Variants in SMG1 observed in about 807,000 individuals in gnomAD.
SMG1 encodes the protein serine/threonine-protein kinase SMG1.
A neutral mutation model predicts 419.9 loss-of-function variants in SMG1; 22 were observed. The observed-to-expected ratio is 0.05, with a 90% CI of 0.04 to 0.07. The LOEUF is 0.07. Among genes scored for constraint, SMG1 ranks in the 10% least tolerant of loss-of-function variants. The pLI, the probability that SMG1 is intolerant of heterozygous loss-of-function variation, is 1.00. For missense variants in SMG1, 3,185 were observed against 4,342.0 expected (o/e 0.73, Z 7.49); for synonymous variants, 1,538 against 1,553.5 (o/e 0.99, Z 0.23).
chr16:18,870,702 A>G lies in SMG1; in HGVS notation c.2400T>C (p.Asp800=), dbSNP rs758407761. ...TGTGCACTAGTTGAACACGGCAAAC[A>G]TCGACACATCTATGAAAGAACGAAA... is the stretch of plus-strand genomic sequence containing the variant. The part of the protein sequence containing the change: ...LPDDLLQRCV[D]VCRVQLVHSG... The change falls in exon 18 of 63, where the codon GAT becomes GAC. Residue 800 remains aspartate, a synonymous_variant. Coordinates refer to ENST00000446231, the MANE Select transcript of SMG1 (RefSeq NM_015092.5). 5.6e-6 allele frequency: 9 copies of G among 1,607,952 alleles called. No homozygotes were observed. Among genetic ancestry groups the G allele is most frequent in the Non-Finnish European group, 6.8e-6 (8 of 1,177,772 alleles).
At chr16:18,865,967 T>C (rs974490070) in intron 23 of SMG1, among the ~76,000 whole-genome samples, 4 of 152,084 alleles carry the variant, frequency 2.6e-5, no homozygotes, top group African/African-American at 9.7e-5. Context: ...CAGCCTAACA[T>C]GGCAAATTTT....
chr16:18,817,544 G>GA (rs1317304423), intron 56 of SMG1, 74 bp from the exon 57 acceptor site: 6 of 1,177,432 alleles, frequency 5.1e-6, no homozygotes, highest in Middle Eastern at 2.0e-4. Context: ...TTAATAACAT[G>GA]AAAAAATACT....
At chr16:18,812,152 AATTTAC>A in intron 60 of SMG1, 25 bp from the exon 61 acceptor site, 1 of 1,600,584 alleles carries the variant, frequency 6.2e-7, no homozygotes, top group South Asian at 1.1e-5. Context: ...TTGGTGGCTC[AATTTAC>A]ATGTAAACAG....
intron 62 of SMG1, among the ~76,000 whole-genome samples, chr16:18,811,098 T>A (rs900494075): frequency 4.6e-5 from 7 of 152,186 alleles, no homozygotes; most frequent in Non-Finnish European, 1.5e-5. Context: ...AGGTTGAGTA[T>A]CCCTTATCCA....
intron 41 of SMG1, 29 bp from the exon 42 acceptor site, chr16:18,839,975 G>C (rs1353256213): frequency 6.7e-7 from 1 of 1,499,466 alleles, no homozygotes; most frequent in Non-Finnish European, 8.9e-7. Flanking sequence ...TTTTAAAAAA[G>C]AAAAGATCAA....
At chr16:18,851,277 T>C (rs2034574360) in intron 33 of SMG1, among the ~76,000 whole-genome samples, 1 of 152,240 alleles carries the variant, frequency 6.6e-6, no homozygotes, top group South Asian at 2.1e-4. Context: ...AAATAATATA[T>C]TGCTTTGGCA....
intron 29 of SMG1, among the ~76,000 whole-genome samples, chr16:18,855,832 A>T (rs377414514): frequency 7.9e-5 from 12 of 152,172 alleles, no homozygotes; most frequent in African/African-American, 2.9e-4. Flanking sequence ...ACAAGGGTAA[A>T]TCTGAACATT....
chr16:18,855,772 T>C (rs185649704), intron 29 of SMG1, among the ~76,000 whole-genome samples: 1 of 152,288 alleles, frequency 6.6e-6, no homozygotes, highest in Admixed American at 6.5e-5. Context: ...TTGACCCCAT[T>C]CTTATACTCT....
intron 8 of SMG1, chr16:18,884,705 A>G (rs2036544750): frequency 5.4e-6 from 1 of 183,846 alleles, no homozygotes. Context: ...ACCATTTCTC[A>G]TTTATGACAA....
chr16:18,810,037 T>C (rs989548550), intron 62 of SMG1, among the ~76,000 whole-genome samples: 1 of 151,490 alleles, frequency 6.6e-6, no homozygotes, highest in Non-Finnish European at 1.5e-5. Flanking sequence ...TACAAGAATA[T>C]AATAGTGTTT....
rs774943667 is a variant in SMG1 at position 18,829,453 on chromosome 16, T to G, written c.9436A>C (p.Ile3146Leu). 4 of 1,614,026 alleles carry G rather than the reference T, an allele frequency of 2.5e-6. No individual in the cohort carries two copies. In the East Asian group the frequency reaches 6.7e-5, roughly 27 times the overall value. ...DLCKKAVEHNIQIGKFSQLVM... is the reference protein window; with the variant it reads ...DLCKKAVEHNLQIGKFSQLVM... ...AGCTGAGAGAACTTCCCTATCTGGA[T>G]GTTATGTTCCACCGCTTTCTTACAG... is the stretch of plus-strand genomic sequence containing the variant. Residue 3146 changes from isoleucine to leucine, a missense_variant, in exon 54 of 63, where the codon ATC becomes CTC. Ile to Leu is a conservative substitution (Grantham distance 5). Around this residue, in one of 27 missense-constraint regions of SMG1, gnomAD observed 737 missense variants for 846.6 expected, o/e 0.87. Transcript: ENST00000446231.
intron 1 of SMG1, among the ~76,000 whole-genome samples, chr16:18,904,368 C>T (rs973691974): frequency 6.6e-6 from 1 of 151,962 alleles, no homozygotes; most frequent in African/African-American, 2.4e-5. Context: ...GGCACGGCGG[C>T]TCACGCCTGT....
Position 18,871,422 on chromosome 16 carries a change from G to A in SMG1, c.2244C>T (p.Tyr748=), listed in dbSNP as rs776985892. ...AAGACGGAAGAGAGAATAAAGGTGC[G>A]TATGTTTCAGACTTCTTCATTAAAA... ...AAVLMKKSET[Y]APLFSLPSFH... Residue 748 remains tyrosine (Y), a synonymous_variant, in exon 16 of 63, where the codon TAC becomes TAT. Transcript: ENST00000446231. 1.1e-5 allele frequency: 18 copies of A among 1,601,850 alleles called. No homozygotes were observed. The highest frequency in any genetic ancestry group is 4.0e-5 in the African/African-American group (3 of 74,098).
chr16:18,905,397 A>C lies in SMG1; in HGVS notation c.93-8441T>G, dbSNP rs551678008. Among the ~76,000 whole-genome samples the C allele has an allele frequency of 5.3e-5, 8 of 152,206 alleles. No individual in the cohort carries two copies. In the East Asian group the frequency reaches 1.5e-3, roughly 29 times the overall value. ...TTCACTTACTTTTTAACCCACTTTA[A>C]TCTGGGTTCCACCTGCAACACACCA... On this transcript the variant is annotated intron_variant, in intron 1 of 62. Transcript: ENST00000446231.
chr16:18,914,545 G>T (rs774140057), intron 1 of SMG1, among the ~76,000 whole-genome samples: 1 of 151,918 alleles, frequency 6.6e-6, no homozygotes, highest in African/African-American at 2.4e-5. Flanking sequence ...TTAGCCAGGC[G>T]TGGTGGCAAT....
intron 8 of SMG1, 129 bp downstream of exon 8, chr16:18,884,961 T>G: frequency 1.5e-6 from 1 of 645,820 alleles, no homozygotes; most frequent in Admixed American, 3.0e-5. Context: ...AATGTTCATT[T>G]ACAATAAAAC....
Position 18,853,989 on chromosome 16 carries a change from C to T in SMG1, c.4484-122G>A, listed in dbSNP as rs2034750515. 5 of 819,546 alleles carry T rather than the reference C, an allele frequency of 6.1e-6. No individual in the cohort carries two copies. The East Asian group carries it at 1.3e-4, about 22-fold the overall frequency. 50.8% of individuals were successfully genotyped at this position (819,546 alleles called of 1,614,324 possible). A position where few individuals can be genotyped will look rare whatever the true frequency, so the allele number is the denominator to read the frequency against. On this transcript the variant is annotated intron_variant, in intron 30 of 62. Coordinates refer to ENST00000446231, the MANE Select transcript of SMG1 (RefSeq NM_015092.5). ...ACCACCATGTTGATGGTTTCAAACT[C>T]CTATGCTCAAGCATAGGAGGCTCCT... is the stretch of plus-strand genomic sequence containing the variant.
rs1481098997 is a variant in SMG1 at position 18,871,393 on chromosome 16, T to C, written c.2273A>G (p.His758Arg). Residue 758 changes from histidine to arginine, a missense_variant, in exon 16 of 63, where the codon CAT becomes CGT. Coordinates refer to ENST00000446231, the MANE Select transcript of SMG1 (RefSeq NM_015092.5). ...YAPLFSLPSF[H>R]KFCKGLLANT... ...GGCTAAAAGGCCTTTGCAAAATTTATGGAAAGACGGAAGAGAGAATAAAGG... is the reference window on the plus strand; with the variant it reads ...GGCTAAAAGGCCTTTGCAAAATTTACGGAAAGACGGAAGAGAGAATAAAGG... The C allele has an allele frequency of 2.3e-5, 37 of 1,584,382 alleles. No homozygotes were observed. Among genetic ancestry groups the C allele is most frequent in the Non-Finnish European group, 3.2e-5 (37 of 1,171,432 alleles).
intron 20 of SMG1, among the ~76,000 whole-genome samples, 187 bp downstream of exon 20, chr16:18,868,917 T>TG (rs1263163877): frequency 6.6e-6 from 1 of 152,030 alleles, no homozygotes; most frequent in East Asian, 1.9e-4. Flanking sequence ...CCCTAAGTTT[T>TG]GGGGAAAAAA....
Sources: allele counts gnomAD v4.1 joint callset (sites outside exome capture counted in the v4.1 genomes callset), GRCh38; gene constraint gnomAD v4.1.1; regional missense constraint gnomAD v4.1.1; transcripts MANE v1.5; gene names NCBI Gene and HGNC (gene_info 2026-07-23, HGNC 2026-07-21).